Variants in RIN3 observed in about 807,000 individuals in gnomAD.
The protein encoded by RIN3 is RAB5 interacting protein 3.
RIN3 carries 54 observed loss-of-function variants against 76.3 expected under a neutral mutation model. That is an observed-to-expected ratio of 0.71 (90% CI 0.57 to 0.89). The LOEUF (loss-of-function observed/expected upper bound fraction) is 0.89, where lower values mean the gene tolerates loss of function less well. Ranked by LOEUF, RIN3 falls within the 40% of genes least tolerant of loss-of-function variation. The pLI, the probability that RIN3 is intolerant of heterozygous loss-of-function variation, is 0.00. For missense variants in RIN3, 1,256 were observed against 1,322.1 expected (o/e 0.95, Z 0.78); for synonymous variants, 576 against 564.0 (o/e 1.02, Z -0.30).
rs1250085634 is a variant in RIN3 at position 92,545,583 on chromosome 14, T to C, written c.45-10168T>C. Among the ~76,000 whole-genome samples the C allele has an allele frequency of 1.2e-3, 15 of 12,670 alleles. 1 individual carries two copies. The South Asian group carries it at 0.026, about 22-fold the overall frequency. 8.3% of individuals were successfully genotyped at this position (12,670 alleles called of 152,430 possible). On this transcript the variant is annotated intron_variant, in intron 1 of 9. Transcript: ENST00000216487. Reference sequence around the variant, plus strand: ...CTATTTTTTTTCTTTTTTCTTTTTCTTTTTTTTTTTTTTTTGAGATGGGGT... The same window carrying C: ...CTATTTTTTTTCTTTTTTCTTTTTCCTTTTTTTTTTTTTTTGAGATGGGGT...
chr14:92,543,618 CTTT>C (rs3033757), intron 1 of RIN3, among the ~76,000 whole-genome samples: 1,305 of 84,878 alleles, frequency 0.015, 34 homozygotes, highest in African/African-American at 0.059. Flanking sequence ...AAGGCTTTTG[CTTT>C]TTTTTTTTTT....
intron 1 of RIN3, among the ~76,000 whole-genome samples, chr14:92,536,767 C>G (rs962315421): frequency 1.4e-5 from 2 of 145,042 alleles, no homozygotes; most frequent in African/African-American, 2.5e-5. Context: ...AAAAAAGAAA[C>G]TGCCGGGGTT....
intron 3 of RIN3, among the ~76,000 whole-genome samples, chr14:92,609,935 A>C (rs1386537247): frequency 6.6e-6 from 1 of 151,508 alleles, no homozygotes; most frequent in Non-Finnish European, 1.5e-5. Flanking sequence ...AGATGTGTTT[A>C]TTTAATGTAT....
At position 92,680,200 on chromosome 14, in the gene RIN3, C is replaced by CA. The variant is rs765792824; in HGVS notation, c.2467+3594_2467+3595insA. Among the ~76,000 whole-genome samples the CA allele has an allele frequency of 3.0e-5, 4 of 134,298 alleles. No homozygotes were observed. In the East Asian group the frequency reaches 8.8e-4, roughly 29 times the overall value. 88.1% of individuals were successfully genotyped at this position (134,298 alleles called of 152,430 possible). A position where few individuals can be genotyped will look rare whatever the true frequency, so the allele number is the denominator to read the frequency against. On this transcript the variant is annotated intron_variant, in intron 8 of 9. Coordinates refer to ENST00000216487, the MANE Select transcript of RIN3 (RefSeq NM_024832.5). Reference sequence around the variant, plus strand: ...GAAGGGACAGGACAGCTCTCTGGCACTTTTTTTTTTTTTTTTTGAGACAGA... The same window carrying CA: ...GAAGGGACAGGACAGCTCTCTGGCACATTTTTTTTTTTTTTTTTGAGACAGA...
At chr14:92,546,774 G>A (rs1897276549) in intron 1 of RIN3, among the ~76,000 whole-genome samples, 2 of 152,020 alleles carry the variant, frequency 1.3e-5, no homozygotes, top group Admixed American at 1.3e-4. Context: ...AAGCAGTTGG[G>A]GTGAGTAGGG....
chr14:92,529,664 G>C (rs1896833573), intron 1 of RIN3, among the ~76,000 whole-genome samples: 1 of 152,190 alleles, frequency 6.6e-6, no homozygotes, highest in Non-Finnish European at 1.5e-5. Flanking sequence ...TTTCCCTTCA[G>C]CTCCTGTGCT....
chr14:92,666,038 ACCTCCACCACTGACCTACTT>A (rs147915516), intron 7 of RIN3, among the ~76,000 whole-genome samples: 263 of 151,218 alleles, frequency 1.7e-3, no homozygotes, highest in Non-Finnish European at 3.2e-3. Flanking sequence ...AGTCCCGCCT[ACCTCCACCACTGACCTACTT>A]CCTCCACCAC....
intron 3 of RIN3, among the ~76,000 whole-genome samples, chr14:92,603,709 C>T (rs538137848): frequency 8.7e-4 from 133 of 152,304 alleles, no homozygotes; most frequent in Non-Finnish European, 1.5e-3. Context: ...GTTGTCTGCT[C>T]TTCTCACTTT....
chr14:92,612,157 G>A (rs896303495), intron 3 of RIN3, among the ~76,000 whole-genome samples: 3 of 152,120 alleles, frequency 2.0e-5, no homozygotes, highest in Non-Finnish European at 4.4e-5. Flanking sequence ...ATTTGGGTGG[G>A]GACACAGATC....
intron 4 of RIN3, among the ~76,000 whole-genome samples, chr14:92,618,791 A>G (rs1886063822): frequency 6.6e-6 from 1 of 152,200 alleles, no homozygotes; most frequent in African/African-American, 2.4e-5. Context: ...CACTACATCA[A>G]TGTATTCAAT....
chr14:92,661,723 TCA>T (rs778646491), intron 7 of RIN3, among the ~76,000 whole-genome samples: 33 of 134,876 alleles, frequency 2.4e-4, no homozygotes, highest in African/African-American at 9.2e-4. Flanking sequence ...TGAGACTCTG[TCA>T]CACACACACA....
chr14:92,609,104 G>A (rs11160079), intron 3 of RIN3, among the ~76,000 whole-genome samples: 75,593 of 151,890 alleles, frequency 0.5, 19,653 homozygotes, highest in Admixed American at 0.61. Flanking sequence ...CGATCTCATA[G>A]CTTAACTCCC....
chr14:92,521,178 C>T (rs1896587546), intron 1 of RIN3, among the ~76,000 whole-genome samples: 1 of 151,704 alleles, frequency 6.6e-6, no homozygotes, highest in Non-Finnish European at 1.5e-5. Context: ...ACCCTTCATC[C>T]ATCCATCCAC....
chr14:92,662,028 C>T (rs1337868927), intron 7 of RIN3, among the ~76,000 whole-genome samples: 2 of 152,202 alleles, frequency 1.3e-5, no homozygotes, highest in African/African-American at 4.8e-5. Flanking sequence ...TGGGGGACAG[C>T]GGACAGCCTG....
intron 5 of RIN3, among the ~76,000 whole-genome samples, chr14:92,647,271 C>T (rs1439830811): frequency 6.6e-6 from 1 of 152,100 alleles, no homozygotes; most frequent in African/African-American, 2.4e-5. Context: ...GAAAAGCCAG[C>T]GTTCGAAAGT....
chr14:92,532,413 T>C (rs1311143777), intron 1 of RIN3, among the ~76,000 whole-genome samples: 1 of 152,092 alleles, frequency 6.6e-6, no homozygotes, highest in Non-Finnish European at 1.5e-5. Flanking sequence ...ATTGTTAAGC[T>C]CTAGATGCCT....
At chr14:92,633,568 A>T (rs1886664931) in intron 4 of RIN3, among the ~76,000 whole-genome samples, 1 of 152,208 alleles carries the variant, frequency 6.6e-6, no homozygotes, top group South Asian at 2.1e-4. Context: ...AGACAACTGC[A>T]TCTGAAGTGG....
At chr14:92,637,460 C>T (rs1886817673) in intron 4 of RIN3, among the ~76,000 whole-genome samples, 1 of 152,190 alleles carries the variant, frequency 6.6e-6, no homozygotes, top group Non-Finnish European at 1.5e-5. Context: ...CCGCTGCTCA[C>T]CTCCTGCTGT....
At chr14:92,628,302 A>T (rs1205570254) in intron 4 of RIN3, among the ~76,000 whole-genome samples, 2 of 152,190 alleles carry the variant, frequency 1.3e-5, no homozygotes, top group Non-Finnish European at 2.9e-5. Context: ...TAAACTCCAG[A>T]TTCTAAACAA....
Sources: gnomAD v4.1 joint callset for allele counts (sites outside exome capture counted in the v4.1 genomes callset) on GRCh38, gnomAD v4.1.1 for gene constraint, MANE v1.5 for transcripts, NCBI Gene and HGNC (gene_info 2026-07-23, HGNC 2026-07-21) for gene names.